Variants in RCAN2 observed in about 807,000 individuals in gnomAD.
RCAN2 encodes calcipressin-2.
Under a neutral mutation model 23.6 loss-of-function variants are expected in RCAN2, and 9 were observed. The ratio of observed to expected loss-of-function variants is 0.38; its 90% CI spans 0.23 to 0.67. The LOEUF is 0.67. Ranked by LOEUF, RCAN2 falls within the 30% of genes least tolerant of loss-of-function variation. The pLI, the probability that RCAN2 is intolerant of heterozygous loss-of-function variation, is 0.51. For missense variants in RCAN2, 273 were observed against 302.3 expected (o/e 0.90, Z 0.72); for synonymous variants, 109 against 115.7 (o/e 0.94, Z 0.37).
At chr6:46,481,441 G>C (rs1435679074) in intron 1 of RCAN2, among the ~76,000 whole-genome samples, 1 of 152,176 alleles carries the variant, frequency 6.6e-6, no homozygotes, top group Non-Finnish European at 1.5e-5. Context: ...TGAATTTCAA[G>C]AAATAGAGAT....
intron 2 of RCAN2, among the ~76,000 whole-genome samples, chr6:46,411,804 A>G (rs1766557713): frequency 1.3e-5 from 2 of 152,204 alleles, no homozygotes; most frequent in Admixed American, 1.3e-4. Flanking sequence ...TGGTTCAAGA[A>G]ACAAAAAAAA....
chr6:46,302,069 G>A (rs1388057759), intron 2 of RCAN2, among the ~76,000 whole-genome samples: 2 of 152,098 alleles, frequency 1.3e-5, no homozygotes, highest in African/African-American at 4.8e-5. Flanking sequence ...TGACTGCAGT[G>A]TCAAGAAGGA....
At chr6:46,334,182 C>A (rs1764070543) in intron 2 of RCAN2, among the ~76,000 whole-genome samples, 1 of 152,178 alleles carries the variant, frequency 6.6e-6, no homozygotes, top group Admixed American at 6.5e-5. Context: ...TTCACTATCT[C>A]CTTAGCCTGC....
chr6:46,490,193 T>G (rs947738963), intron 1 of RCAN2, among the ~76,000 whole-genome samples: 1 of 152,164 alleles, frequency 6.6e-6, no homozygotes, highest in African/African-American at 2.4e-5. Context: ...TTGAGTGAAA[T>G]TCTGGCTGAA....
intron 2 of RCAN2, among the ~76,000 whole-genome samples, chr6:46,404,105 C>T (rs745402408): frequency 2.6e-5 from 4 of 152,064 alleles, no homozygotes; most frequent in Non-Finnish European, 4.4e-5. Context: ...GCCTGTAGTC[C>T]CAGCTACTCA....
At position 46,221,148 on chromosome 6, in the gene RCAN2, C is replaced by T. The variant is rs1445150667; in HGVS notation, c.*1993G>A. ...CACAGAATGGTCATTTCAACTTTTA[C>T]TAAGTTGTTAAAAATGTCAGATGTG... is the stretch of plus-strand genomic sequence containing the variant. On this transcript the variant is annotated 3_prime_UTR_variant, in exon 5 of 5. Transcript: ENST00000371374. The T allele has an allele frequency of 1.3e-5, 2 of 152,300 alleles. No individual in the cohort carries two copies. Among genetic ancestry groups the T allele is most frequent in the Non-Finnish European group, 2.9e-5 (2 of 68,028 alleles). The allele number at this position is 152,300 out of a possible 1,614,324, so 9.4% of individuals were successfully genotyped here. A position where few individuals can be genotyped will look rare whatever the true frequency, so the allele number is the denominator to read the frequency against.
chr6:46,265,421 G>C (rs1285230082), intron 2 of RCAN2, among the ~76,000 whole-genome samples: 1 of 152,196 alleles, frequency 6.6e-6, no homozygotes, highest in African/African-American at 2.4e-5. Flanking sequence ...TGGTAGAAAT[G>C]AAAGTTTAGG....
At chr6:46,284,884 A>G (rs1355111457) in intron 2 of RCAN2, among the ~76,000 whole-genome samples, 1 of 152,210 alleles carries the variant, frequency 6.6e-6, no homozygotes, top group Non-Finnish European at 1.5e-5. Context: ...TAAATACTCA[A>G]CTGTTAAGAT....
chr6:46,250,338 A>C lies in RCAN2; in HGVS notation c.226-1442T>G, dbSNP rs1296022466. On this transcript the variant is annotated intron_variant, in intron 2 of 4. Coordinates refer to ENST00000371374, the MANE Select transcript of RCAN2 (RefSeq NM_001251974.2). ...TATTATAAGAAAACTAGTATATGTTATAAGCTAGTGTGTTCTTAATAGAGA... is the reference window on the plus strand; with the variant it reads ...TATTATAAGAAAACTAGTATATGTTCTAAGCTAGTGTGTTCTTAATAGAGA... Among the ~76,000 whole-genome samples, 6 of 152,380 alleles carry C rather than the reference A, an allele frequency of 3.9e-5. No individual in the cohort carries two copies. The East Asian group carries it at 7.7e-4, about 20-fold the overall frequency.
chr6:46,445,326 C>A (rs1021279997), intron 2 of RCAN2, among the ~76,000 whole-genome samples: 1 of 152,172 alleles, frequency 6.6e-6, no homozygotes, highest in African/African-American at 2.4e-5. Context: ...ACCAGGCCTG[C>A]CCACCTGCTG....
chr6:46,246,679 T>C, intron 4 of RCAN2, 69 bp downstream of exon 4: 1 of 1,345,564 alleles, frequency 7.4e-7, no homozygotes, highest in South Asian at 1.2e-5. Flanking sequence ...ATCTCAAGGT[T>C]GTTAATCTCA....
At chr6:46,388,625 G>A (rs1582162059) in intron 2 of RCAN2, among the ~76,000 whole-genome samples, 2 of 152,070 alleles carry the variant, frequency 1.3e-5, no homozygotes, top group African/African-American at 4.8e-5. Flanking sequence ...GCCATTAAAA[G>A]GAATGAGATC....
rs77522129 is a variant in RCAN2, at chr6:46,231,177, C to T, written c.572-7876G>A. Among the ~76,000 whole-genome samples, 1,221 of 152,176 alleles carry T rather than the reference C, an allele frequency of 8.0e-3. 27 individuals are homozygous for T. Among genetic ancestry groups the T allele is most frequent in the African/African-American group, 0.028 (1,178 of 41,506 alleles). ...GCTCTACATCAATACGACTAGCACC[C>T]TTATAGAAAAAGGAAGTTTGGACAT... On this transcript the variant is annotated intron_variant, in intron 4 of 4. Coordinates refer to ENST00000371374, the MANE Select transcript of RCAN2 (RefSeq NM_001251974.2).
chr6:46,306,017 C>A (rs1203432177), intron 2 of RCAN2, among the ~76,000 whole-genome samples: 1 of 151,652 alleles, frequency 6.6e-6, no homozygotes, highest in Non-Finnish European at 1.5e-5. Context: ...CAAGAGAGAA[C>A]CTTTATAGGC....
intron 2 of RCAN2, among the ~76,000 whole-genome samples, chr6:46,327,622 C>G (rs1367158085): frequency 6.6e-6 from 1 of 152,184 alleles, no homozygotes; most frequent in Non-Finnish European, 1.5e-5. Flanking sequence ...TCACTGGCAT[C>G]TGTTCAAGAG....
At chr6:46,476,235 C>T (rs1440514077) in intron 1 of RCAN2, among the ~76,000 whole-genome samples, 1 of 151,842 alleles carries the variant, frequency 6.6e-6, no homozygotes, top group Non-Finnish European at 1.5e-5. Flanking sequence ...GAATGAAGAC[C>T]CCCTGAATCT....
chr6:46,452,348 A>G (rs758024702), intron 2 of RCAN2, among the ~76,000 whole-genome samples: 3 of 152,090 alleles, frequency 2.0e-5, no homozygotes, highest in African/African-American at 4.8e-5. Flanking sequence ...AAACCCCAAA[A>G]TCCCAGTGGC....
chr6:46,355,791 G>T (rs1279478536), intron 2 of RCAN2, among the ~76,000 whole-genome samples: 1 of 152,196 alleles, frequency 6.6e-6, no homozygotes, highest in African/African-American at 2.4e-5. Context: ...GATAAAGTTT[G>T]GTCTTATCTC....
intron 1 of RCAN2, among the ~76,000 whole-genome samples, chr6:46,478,260 A>G (rs1768765444): frequency 6.6e-6 from 1 of 152,184 alleles, no homozygotes; most frequent in African/African-American, 2.4e-5. Flanking sequence ...AGCTCTTTGA[A>G]TTTCCCACTC....
Sources: allele counts gnomAD v4.1 joint callset (sites outside exome capture counted in the v4.1 genomes callset), GRCh38; gene constraint gnomAD v4.1.1; transcripts MANE v1.5; gene names NCBI Gene and HGNC (gene_info 2026-07-23, HGNC 2026-07-21).